MAF: variants seen among roughly 807,000 people sequenced by gnomAD.
MAF encodes MAF bZIP transcription factor.
Under a neutral mutation model 22.0 loss-of-function variants are expected in MAF, and 10 were observed. That is an observed-to-expected ratio of 0.45 (90% CI 0.28 to 0.77). The LOEUF is 0.77. Ranked by LOEUF, MAF falls within the 30% of genes least tolerant of loss-of-function variation. The pLI, the probability that MAF is intolerant of heterozygous loss-of-function variation, is 0.12. For missense variants in MAF, 544 were observed against 548.4 expected (o/e 0.99, Z 0.08); for synonymous variants, 337 against 255.8 (o/e 1.32, Z -3.03).
At chr16:79,582,460 C>T (rs1201910681), downstream of MAF, among the ~76,000 whole-genome samples, 1 of 152,050 alleles carries the variant, frequency 6.6e-6, no homozygotes, top group Non-Finnish European at 1.5e-5. Flanking sequence ...CAATAGTACC[C>T]CAGAGTTGAC....
At chr16:79,451,728 G>A in the MAF span, among the ~76,000 whole-genome samples, 1 of 152,066 alleles carries the variant, frequency 6.6e-6, no homozygotes, top group African/African-American at 2.4e-5. Flanking sequence ...AACACAGGAG[G>A]AAATAAAGCA....
chr16:79,496,845 G>C, the MAF span, among the ~76,000 whole-genome samples: 1 of 152,102 alleles, frequency 6.6e-6, no homozygotes, highest in Admixed American at 6.5e-5. Context: ...TGATTTTCTA[G>C]AATCTGATCA....
At chr16:79,434,211 A>C in the MAF span, among the ~76,000 whole-genome samples, 2 of 152,374 alleles carry the variant, frequency 1.3e-5, no homozygotes, top group South Asian at 4.1e-4. Context: ...AGAAGACTGC[A>C]GTGAAGGTTA....
chr16:79,583,832 G>A (rs30401), downstream of MAF, among the ~76,000 whole-genome samples: 143,904 of 152,264 alleles, frequency 0.95, 68,156 homozygotes, highest in Admixed American at 0.98. Context: ...ATTTACATCA[G>A]GTAGCCAAAT....
At chr16:79,509,923 AG>A in the MAF span, among the ~76,000 whole-genome samples, 1 of 152,198 alleles carries the variant, frequency 6.6e-6, no homozygotes, top group African/African-American at 2.4e-5. Context: ...AGGGAATATC[AG>A]AAAACCCCAG....
At chr16:79,344,361 C>G in the MAF span, among the ~76,000 whole-genome samples, 1 of 152,208 alleles carries the variant, frequency 6.6e-6, no homozygotes, top group African/African-American at 2.4e-5. Flanking sequence ...AAGCTCATAT[C>G]CAAGTCTGGT....
the MAF span, among the ~76,000 whole-genome samples, chr16:79,528,014 G>A: frequency 9.9e-5 from 15 of 152,218 alleles, no homozygotes; most frequent in East Asian, 2.5e-3. Context: ...GTGTTGGTGC[G>A]CACCTGTAAT....
the MAF span, among the ~76,000 whole-genome samples, chr16:79,488,962 T>C: frequency 6.6e-6 from 1 of 152,230 alleles, no homozygotes; most frequent in East Asian, 1.9e-4. Context: ...CCTGTTGGCC[T>C]TTCAGGGCAG....
the MAF span, among the ~76,000 whole-genome samples, chr16:79,370,430 TA>T: frequency 6.6e-6 from 1 of 152,166 alleles, no homozygotes; most frequent in Non-Finnish European, 1.5e-5. Flanking sequence ...AGGTTCTGAC[TA>T]GATCTCAGCC....
chr16:79,558,155 C>T, the MAF span, among the ~76,000 whole-genome samples: 8 of 150,802 alleles, frequency 5.3e-5, no homozygotes, highest in African/African-American at 2.0e-4. Flanking sequence ...TGGGTTTTTC[C>T]TGCCTGTGGG....
the MAF span, among the ~76,000 whole-genome samples, chr16:79,235,390 A>G: frequency 6.6e-6 from 1 of 151,798 alleles, no homozygotes; most frequent in African/African-American, 2.4e-5. Context: ...CCATCCCTAG[A>G]AAAAATAAAA....
the MAF span, among the ~76,000 whole-genome samples, chr16:79,331,283 ACAGG>A: frequency 1.3e-5 from 2 of 152,216 alleles, no homozygotes; most frequent in Non-Finnish European, 2.9e-5. Flanking sequence ...GTCAACATAT[ACAGG>A]CAGGAAGACT....
At chr16:79,571,439 G>A in the MAF span, among the ~76,000 whole-genome samples, 7 of 151,842 alleles carry the variant, frequency 4.6e-5, no homozygotes, top group East Asian at 1.9e-4. Flanking sequence ...CTGAAGCCCA[G>A]GGAGCTTCTA....
At chr16:79,445,244 C>T in the MAF span, among the ~76,000 whole-genome samples, 217 of 151,314 alleles carry the variant, frequency 1.4e-3, 1 homozygote, top group Middle Eastern at 0.014. Flanking sequence ...GGGGTTTCAC[C>T]ATGTTAGCCA....
chr16:79,305,648 G>C, the MAF span, among the ~76,000 whole-genome samples: 75 of 152,306 alleles, frequency 4.9e-4, no homozygotes, highest in African/African-American at 1.7e-3. Flanking sequence ...ATACAATTTG[G>C]GGGTCTGTGG....
At chr16:79,584,340 C>T (rs1912712907), downstream of MAF, among the ~76,000 whole-genome samples, 1 of 152,148 alleles carries the variant, frequency 6.6e-6, no homozygotes, top group African/African-American at 2.4e-5. Flanking sequence ...AAGTATTGAA[C>T]TTTTCATATA....
chr16:79,372,607 CA>C, the MAF span, among the ~76,000 whole-genome samples: 31 of 152,292 alleles, frequency 2.0e-4, no homozygotes, highest in African/African-American at 6.7e-4. Context: ...TCTTATAACC[CA>C]CTTCAACGAG....
chr16:79,223,257 G>C, the MAF span, among the ~76,000 whole-genome samples: 36 of 152,258 alleles, frequency 2.4e-4, no homozygotes, highest in African/African-American at 7.9e-4. Flanking sequence ...ACCTGCTCCT[G>C]AATGACTACT....
At chr16:79,535,026 G>C in the MAF span, among the ~76,000 whole-genome samples, 1 of 152,128 alleles carries the variant, frequency 6.6e-6, no homozygotes, top group Non-Finnish European at 1.5e-5. Context: ...TCAAAATCCT[G>C]CTCAAAGATT....
Sources: allele counts gnomAD v4.1 joint callset (sites outside exome capture counted in the v4.1 genomes callset), GRCh38; gene constraint gnomAD v4.1.1; transcripts MANE v1.5; gene names NCBI Gene and HGNC (gene_info 2026-07-23, HGNC 2026-07-21).